The following PLCB1 variants were observed in gnomAD, a reference collection of about 807,000 sequenced individuals.
PLCB1 encodes phospholipase C beta 1, also known as 1-phosphatidylinositol 4,5-bisphosphate phosphodiesterase beta-1.
Under a neutral mutation model 161.8 loss-of-function variants are expected in PLCB1, and 46 were observed. The observed-to-expected ratio is 0.28, with a 90% confidence interval of 0.22 to 0.36. The LOEUF is 0.36. PLCB1 is among the 10% of genes least tolerant of loss of function. The pLI is 1.00. For missense variants in PLCB1, 1,016 were observed against 1,472.5 expected, an observed-to-expected ratio of 0.69 and a Z score of 5.07; for synonymous variants, 517 against 503.7, an observed-to-expected ratio of 1.03 and a Z score of -0.35.
intron 2 of PLCB1, among the ~76,000 whole-genome samples, chr20:8,209,450 G>A (rs1978704536): frequency 6.6e-6 from 1 of 152,056 alleles, no homozygotes; most frequent in East Asian, 1.9e-4. Flanking sequence ...TGTGACTTAG[G>A]AACAGAAAAG....
intron 2 of PLCB1, among the ~76,000 whole-genome samples, chr20:8,208,910 G>T (rs1403003737): frequency 1.3e-5 from 2 of 152,198 alleles, no homozygotes; most frequent in East Asian, 3.9e-4. Context: ...GAAAGCGGAA[G>T]AAATTTTTGT....
At chr20:8,664,866 T>G (rs543563900) in intron 9 of PLCB1, among the ~76,000 whole-genome samples, 1 of 152,168 alleles carries the variant, frequency 6.6e-6, no homozygotes, top group Non-Finnish European at 1.5e-5. Context: ...ACAGAAATCC[T>G]TTTTACTCAT....
At chr20:8,279,648 T>C (rs1186485190) in intron 2 of PLCB1, among the ~76,000 whole-genome samples, 1 of 152,212 alleles carries the variant, frequency 6.6e-6, no homozygotes, top group African/African-American at 2.4e-5. Flanking sequence ...TTATAGTATG[T>C]TCATATAAAA....
intron 24 of PLCB1, 79 bp from the exon 25 acceptor site, chr20:8,760,328 C>T: frequency 1.2e-6 from 1 of 812,638 alleles, no homozygotes. Context: ...ATTCAAGGCC[C>T]AAATATGTTT....
At chr20:8,418,596 A>G (rs1019983808) in intron 3 of PLCB1, among the ~76,000 whole-genome samples, 27 of 151,964 alleles carry the variant, frequency 1.8e-4, no homozygotes, top group Non-Finnish European at 3.4e-4. Context: ...TAAATTACTT[A>G]TATATTTTTA....
chr20:8,784,344 C>T (rs899896006), intron 27 of PLCB1, among the ~76,000 whole-genome samples: 19 of 151,924 alleles, frequency 1.3e-4, no homozygotes, highest in Middle Eastern at 3.2e-3. Flanking sequence ...GGGCAGATCA[C>T]GTGAGGTCAG....
rs1191862112 is a variant in PLCB1, at chr20:8,561,006, C to G, written c.247-67288C>G. On this transcript the variant is annotated intron_variant, in intron 3 of 31. Transcript: ENST00000338037. Reference sequence around the variant, plus strand: ...GACCTTCCTAGTCAGCAGAATTAAACTGCTCAAGGAGAAAAAGTGGTGATA... The same window carrying G: ...GACCTTCCTAGTCAGCAGAATTAAAGTGCTCAAGGAGAAAAAGTGGTGATA... Among the ~76,000 whole-genome samples the G allele has an allele frequency of 1.3e-5, 2 of 151,844 alleles. 1 individual carries two copies. Among genetic ancestry groups the G allele is most frequent in the Non-Finnish European group, 2.9e-5 (2 of 67,942 alleles).
intron 3 of PLCB1, among the ~76,000 whole-genome samples, chr20:8,549,686 C>A (rs1424805108): frequency 1.3e-5 from 2 of 152,122 alleles, no homozygotes; most frequent in African/African-American, 4.8e-5. Context: ...CTTCTGCTTC[C>A]TGGGCTCAAG....
intron 3 of PLCB1, among the ~76,000 whole-genome samples, chr20:8,594,388 A>G (rs1435514707): frequency 6.6e-6 from 1 of 152,142 alleles, no homozygotes; most frequent in South Asian, 2.1e-4. Flanking sequence ...GCTACAATAC[A>G]TTGCCTTCAA....
At chr20:8,555,821 G>T (rs1985933856) in intron 3 of PLCB1, among the ~76,000 whole-genome samples, 1 of 152,002 alleles carries the variant, frequency 6.6e-6, no homozygotes, top group African/African-American at 2.4e-5. Flanking sequence ...TTCCATGTCT[G>T]CCCCAAATAA....
intron 2 of PLCB1, among the ~76,000 whole-genome samples, chr20:8,292,913 C>T (rs1983453486): frequency 6.6e-6 from 1 of 151,996 alleles, no homozygotes; most frequent in African/African-American, 2.4e-5. Context: ...ACTGCTGTAC[C>T]CAGAACGTAG....
rs184173601 is a variant in PLCB1, at chr20:8,367,247, A to G, written c.178-4135A>G. 3.8e-4 allele frequency among the ~76,000 whole-genome samples: 58 copies of G among 152,352 alleles called. 1 individual carries two copies. Among genetic ancestry groups the G allele is most frequent in the Admixed American group, 7.8e-4 (12 of 15,310 alleles). The stretch of plus-strand genomic sequence containing the variant: ...ATTAACAAAAGTAATGTATTGCTTT[A>G]TCAATGATATTCACATGAAAGGCCT... On this transcript the variant is annotated intron_variant, in intron 2 of 31. Coordinates refer to ENST00000338037, the MANE Select transcript of PLCB1 (RefSeq NM_015192.4).
At chr20:8,333,075 G>T (rs1043743071) in intron 2 of PLCB1, among the ~76,000 whole-genome samples, 2 of 152,186 alleles carry the variant, frequency 1.3e-5, no homozygotes, top group African/African-American at 4.8e-5. Flanking sequence ...GAGAAGTGAT[G>T]TGTGTCACTT....
Position 8,482,560 on chromosome 20 carries a change from T to G in PLCB1, c.246+111110T>G, listed in dbSNP as rs554372118. ...TAACATTCTATAGTCCCCTCTTTAT[T>G]GAAAGTACTAATAGCAATATTTCTA... On this transcript the variant is annotated intron_variant, in intron 3 of 31. Coordinates refer to ENST00000338037, the MANE Select transcript of PLCB1 (RefSeq NM_015192.4). 5.5e-4 allele frequency among the ~76,000 whole-genome samples: 83 copies of G among 152,224 alleles called. 2 individuals carry two copies. Among genetic ancestry groups the G allele is most frequent in the Non-Finnish European group, 3.2e-4 (22 of 68,034 alleles).
chr20:8,491,717 T>A (rs1568697065), intron 3 of PLCB1, among the ~76,000 whole-genome samples: 1 of 152,128 alleles, frequency 6.6e-6, no homozygotes, highest in African/African-American at 2.4e-5. Flanking sequence ...TCAAATTGCC[T>A]TAATCTTCCT....
intron 3 of PLCB1, among the ~76,000 whole-genome samples, chr20:8,561,877 T>C (rs752552818): frequency 1.3e-5 from 2 of 152,060 alleles, no homozygotes; most frequent in Non-Finnish European, 2.9e-5. Flanking sequence ...ACAATCTACA[T>C]ATAAGAACTA....
chr20:8,574,735 A>G (rs1986623310), intron 3 of PLCB1, among the ~76,000 whole-genome samples: 2 of 145,992 alleles, frequency 1.4e-5, no homozygotes, highest in South Asian at 4.1e-4. Context: ...TGGAGGTGCA[A>G]GGGAGCTGGG....
At chr20:8,165,285 G>C (rs1320546872) in intron 2 of PLCB1, among the ~76,000 whole-genome samples, 1 of 152,210 alleles carries the variant, frequency 6.6e-6, no homozygotes, top group Non-Finnish European at 1.5e-5. Context: ...TCTGGGTAAG[G>C]AAAGTAGAAC....
intron 26 of PLCB1, among the ~76,000 whole-genome samples, chr20:8,771,835 G>A (rs770436784): frequency 5.2e-5 from 7 of 134,014 alleles, no homozygotes; most frequent in Admixed American, 1.6e-4. Context: ...TAAATGAATG[G>A]ATGGGCATTA....
Sources: allele counts gnomAD v4.1 joint callset (sites outside exome capture counted in the v4.1 genomes callset), GRCh38; gene constraint gnomAD v4.1.1; transcripts MANE v1.5; gene names NCBI Gene and HGNC (gene_info 2026-07-23, HGNC 2026-07-21).